The following CFAP43 variants were observed in gnomAD, a reference collection of about 807,000 sequenced individuals.
CFAP43 encodes the protein cilia and flagella associated protein 43, also known as cilia- and flagella-associated protein 43.
Under a neutral mutation model 218.9 loss-of-function variants are expected in CFAP43, and 155 were observed. The observed-to-expected ratio is 0.71, with a 90% CI of 0.62 to 0.81. The LOEUF is 0.81. Among genes scored for constraint, CFAP43 ranks in the 30% least tolerant of loss-of-function variants. The probability of loss-of-function intolerance (pLI) is 0.00; values close to 1 mark genes in which losing one functional copy is unlikely to be tolerated. For synonymous variants in CFAP43, 645 were observed against 681.3 expected, an observed-to-expected ratio of 0.95 and a Z score of 0.83; for missense variants, 1,778 against 1,954.3, an observed-to-expected ratio of 0.91 and a Z score of 1.70.
At chr10:104,226,084 T>C (rs1315590758) in intron 2 of CFAP43, among the ~76,000 whole-genome samples, 1 of 152,244 alleles carries the variant, frequency 6.6e-6, no homozygotes, top group Admixed American at 6.5e-5. Context: ...TTCCAAAGTC[T>C]TAGCAACAAC....
chr10:104,205,726 C>A (rs957428062), intron 7 of CFAP43, among the ~76,000 whole-genome samples: 1 of 152,076 alleles, frequency 6.6e-6, no homozygotes, highest in African/African-American at 2.4e-5. Context: ...TTTTTAAATT[C>A]TATTTGTGTT....
At position 104,167,848 on chromosome 10, in the gene CFAP43, T is replaced by C. The variant is rs878967090; in HGVS notation, c.2692-111A>G. On this transcript the variant is annotated intron_variant, in intron 21 of 37. Transcript: ENST00000357060. ...ATTAAAATTAACCCATAGGTTATCATGTGTTAGTAAAATTGACAATGGAAA... is the reference window on the plus strand; with the variant it reads ...ATTAAAATTAACCCATAGGTTATCACGTGTTAGTAAAATTGACAATGGAAA... 12 of 678,548 alleles carry C rather than the reference T, an allele frequency of 1.8e-5. 1 individual carries two copies. The South Asian group carries it at 2.3e-4, about 13-fold the overall frequency. The allele number at this position is 678,548 out of a possible 1,614,324, so 42.0% of individuals were successfully genotyped here. A position where few individuals can be genotyped will look rare whatever the true frequency, so the allele number is the denominator to read the frequency against.
At chr10:104,143,186 A>G (rs1011007365) in intron 32 of CFAP43, among the ~76,000 whole-genome samples, 8 of 152,184 alleles carry the variant, frequency 5.3e-5, no homozygotes, top group African/African-American at 1.7e-4. Flanking sequence ...CAAATGCATA[A>G]TAACCACTTG....
At position 104,232,215 on chromosome 10, in the gene CFAP43, G is replaced by A; in HGVS notation, c.32C>T (p.Pro11Leu). 2 of 1,609,486 alleles carry A rather than the reference G, an allele frequency of 1.2e-6. No homozygotes were observed. Among genetic ancestry groups the A allele is most frequent in the Non-Finnish European group, 8.5e-7 (1 of 1,178,678 alleles). ...CAAGGACGCGCCGCCGGCGGAGTGG[G>A]GGCCTTCGTCGCGCTCCCGGCCTTG... MAQGRERDEG[P>L]HSAGGASLSV... Residue 11 changes from proline (P) to leucine (L), a missense_variant, in exon 1 of 38, where the codon CCC becomes CTC. Transcript: ENST00000357060.
In CFAP43 at chr10:104,187,467, T is replaced by A. The variant is rs766037136; in HGVS notation, c.1713A>T (p.Arg571Ser). 5.1e-5 allele frequency: 81 copies of A among 1,593,540 alleles called. No individual in the cohort carries two copies. ...GAATGATTTCATCTTTCAGCCTTCC[T>A]CTTTCATCAGCAAAGGTTGTGGAAA... ...PQVSTTFADE[R>S]GRLKDEIIHK... The change falls in exon 14 of 38, where the codon AGA becomes AGT. Residue 571 changes from arginine (R) to serine (S), a missense_variant. Transcript: ENST00000357060.
At chr10:104,141,483 G>C (rs2087702888) in intron 33 of CFAP43, among the ~76,000 whole-genome samples, 1 of 152,008 alleles carries the variant, frequency 6.6e-6, no homozygotes, top group Non-Finnish European at 1.5e-5. Context: ...GTGGTGACAG[G>C]CACCTGTAAT....
At chr10:104,183,195 T>C (rs2089912057) in intron 16 of CFAP43, among the ~76,000 whole-genome samples, 2 of 152,068 alleles carry the variant, frequency 1.3e-5, no homozygotes, top group Admixed American at 1.3e-4. Context: ...ACTGGGAGGG[T>C]TTAAAAACAG....
chr10:104,165,538 C>T (rs2089109257), intron 23 of CFAP43, among the ~76,000 whole-genome samples: 1 of 152,172 alleles, frequency 6.6e-6, no homozygotes, highest in African/African-American at 2.4e-5. Context: ...GACTAGAATT[C>T]AAATTGCAGA....
chr10:104,212,250 A>G, intron 4 of CFAP43, 93 bp from the exon 5 acceptor site: 1 of 1,265,192 alleles, frequency 7.9e-7, no homozygotes, highest in Non-Finnish European at 1.1e-6. Context: ...GTGGGGAGGT[A>G]TTATAACTTG....
At position 104,152,427 on chromosome 10, in the gene CFAP43, T is replaced by C. The variant is rs866331713; in HGVS notation, c.3660+180A>G. ...GGGAGGGTATTGGGTGTGTTCAAGATGTTCAAAGAGGAAGTGTGGCAGGTA... is the reference window on the plus strand; with the variant it reads ...GGGAGGGTATTGGGTGTGTTCAAGACGTTCAAAGAGGAAGTGTGGCAGGTA... On this transcript the variant is annotated intron_variant, in intron 28 of 37. Coordinates refer to ENST00000357060, the MANE Select transcript of CFAP43 (RefSeq NM_025145.7). Among the ~76,000 whole-genome samples, 42 of 152,092 alleles carry C rather than the reference T, an allele frequency of 2.8e-4. 1 individual carries two copies. In the Middle Eastern group the frequency reaches 0.01, roughly 37 times the overall value.
chr10:104,159,720 G>A (rs1478366835), intron 27 of CFAP43, among the ~76,000 whole-genome samples: 1 of 152,162 alleles, frequency 6.6e-6, no homozygotes, highest in African/African-American at 2.4e-5. Flanking sequence ...AGTGAGTTGA[G>A]GGCGTCAGGT....
chr10:104,203,519 G>T, intron 8 of CFAP43, 153 bp downstream of exon 8: 2 of 606,234 alleles, frequency 3.3e-6, no homozygotes, highest in Non-Finnish European at 2.6e-6. Flanking sequence ...TGTAATTTAG[G>T]CCTTTTAAAT....
In CFAP43 at chr10:104,131,382, G is replaced by A. The variant is rs1216017910; in HGVS notation, c.4780C>T (p.Arg1594Ter). 9.3e-6 allele frequency: 15 copies of A among 1,613,402 alleles called. No individual in the cohort carries two copies. Among genetic ancestry groups the A allele is most frequent in the African/African-American group, 2.7e-5 (2 of 74,846 alleles). The change falls in exon 37 of 38, where the codon CGA (arginine) becomes TGA (stop). Residue 1594 changes from arginine (R) to a stop codon, truncating the protein, a stop_gained. Transcript: ENST00000357060. LOFTEE classifies it high-confidence loss of function. ...TCTGAGACAGCTACCAACTCTTCTC[G>A]TAGATTGCAGCTTAGGGCATAATTT... is the stretch of plus-strand genomic sequence containing the variant. The part of the protein sequence containing the change: ...IANYALSCNL[R>*]EELVAVSERK...
rs117805521 is a variant in CFAP43, at chr10:104,181,828, A to G, written c.2289+538T>C. On this transcript the variant is annotated intron_variant, in intron 17 of 37. Transcript: ENST00000357060. ...CACATCAACCTATTTTTATTCACTG[A>G]ATAGAACTTGTTACTATCTCATTGT... Among the ~76,000 whole-genome samples, 368 of 152,216 alleles carry G rather than the reference A, an allele frequency of 2.4e-3. 3 individuals are homozygous for G. The highest frequency in any genetic ancestry group is 3.6e-3 in the Non-Finnish European group (248 of 68,016).
At chr10:104,132,816 G>A in intron 35 of CFAP43, 1 of 982,218 alleles carries the variant, frequency 1.0e-6, no homozygotes, top group Non-Finnish European at 1.2e-6. Flanking sequence ...CATTAACAAA[G>A]TCCTAGTTAA....
chr10:104,213,115 A>T (rs951799147), intron 4 of CFAP43, among the ~76,000 whole-genome samples: 5 of 152,296 alleles, frequency 3.3e-5, no homozygotes, highest in Admixed American at 3.3e-4. Context: ...AGTGTTGTCA[A>T]CTCTCACTAG....
chr10:104,178,294 G>A (rs2089702037), intron 19 of CFAP43, among the ~76,000 whole-genome samples: 1 of 152,120 alleles, frequency 6.6e-6, no homozygotes, highest in Non-Finnish European at 1.5e-5. Context: ...GATCACTTCA[G>A]GTATTTGATT....
chr10:104,217,130 A>G (rs917629564), intron 3 of CFAP43, among the ~76,000 whole-genome samples: 2 of 152,142 alleles, frequency 1.3e-5, no homozygotes, highest in African/African-American at 4.8e-5. Flanking sequence ...GTCCCTCAGC[A>G]TTTATTCTCC....
chr10:104,194,018 T>C lies in CFAP43; in HGVS notation c.1294-4A>G. The C allele has an allele frequency of 1.2e-6, 2 of 1,612,704 alleles. No individual in the cohort carries two copies. The highest frequency in any genetic ancestry group is 2.2e-5 in the South Asian group (2 of 91,072). On this transcript the variant is annotated splice_region_variant and splice_polypyrimidine_tract_variant and intron_variant, in intron 10 of 37. Transcript: ENST00000357060. Reference sequence around the variant, plus strand: ...GACAGCAAGCCAGAACCGTTGCCTGTTTAAAATAAACCCCAGATGCGTATC... The same window carrying C: ...GACAGCAAGCCAGAACCGTTGCCTGCTTAAAATAAACCCCAGATGCGTATC...
Sources: allele counts gnomAD v4.1 joint callset (sites outside exome capture counted in the v4.1 genomes callset), GRCh38; gene constraint gnomAD v4.1.1; transcripts MANE v1.5; gene names NCBI Gene and HGNC (gene_info 2026-07-23, HGNC 2026-07-21).